LRRC31: variants seen among roughly 807,000 people sequenced by gnomAD.
The protein encoded by LRRC31 is leucine rich repeat containing 31.
LRRC31 carries 35 observed loss-of-function variants against 46.7 expected under a neutral mutation model. The observed-to-expected ratio is 0.75, with a 90% CI of 0.57 to 0.99. The LOEUF is 0.99. LRRC31 is among the 50% of genes least tolerant of loss of function. The pLI, the probability that LRRC31 is intolerant of heterozygous loss-of-function variation, is 0.00. For synonymous variants in LRRC31, 236 were observed against 235.1 expected (o/e 1.00, Z -0.03); for missense variants, 613 against 626.1 (o/e 0.98, Z 0.22).
intron 6 of LRRC31, 63 bp downstream of exon 6, chr3:169,854,750 C>A: frequency 7.4e-7 from 1 of 1,347,166 alleles, no homozygotes. Context: ...TTAAAATTTC[C>A]AAGTTTCCAA....
chr3:169,856,025 C>T (rs956525460), intron 5 of LRRC31, among the ~76,000 whole-genome samples: 10 of 151,674 alleles, frequency 6.6e-5, no homozygotes, highest in African/African-American at 2.4e-4. Flanking sequence ...GGATTACAGG[C>T]GCACGTACCA....
chr3:169,852,395 T>C (rs1195203484), intron 6 of LRRC31, among the ~76,000 whole-genome samples: 1 of 103,624 alleles, frequency 9.7e-6, no homozygotes, highest in South Asian at 3.8e-4. Context: ...AGAGTGAGAC[T>C]CCGTCTCAAA....
chr3:169,864,000 T>TTG (rs1274569078), intron 1 of LRRC31, among the ~76,000 whole-genome samples: 2 of 127,184 alleles, frequency 1.6e-5, no homozygotes, highest in African/African-American at 3.1e-5. Flanking sequence ...TTCCAAAGCC[T>TTG]AGTGTGTGTG....
intron 8 of LRRC31, among the ~76,000 whole-genome samples, chr3:169,845,482 A>AGC (rs1157323503): frequency 6.6e-6 from 1 of 152,248 alleles, no homozygotes; most frequent in Admixed American, 6.5e-5. Flanking sequence ...CAATCAAGAC[A>AGC]GCGTGATATT....
chr3:169,845,584 T>C (rs761413188), intron 8 of LRRC31, among the ~76,000 whole-genome samples: 3 of 152,168 alleles, frequency 2.0e-5, no homozygotes, highest in Non-Finnish European at 4.4e-5. Flanking sequence ...TTCACAAAAA[T>C]ATAAAGGCAA....
At chr3:169,847,598 T>A (rs941924333) in intron 8 of LRRC31, among the ~76,000 whole-genome samples, 10 of 152,262 alleles carry the variant, frequency 6.6e-5, no homozygotes, top group African/African-American at 2.4e-4. Flanking sequence ...AGGGTCAGAT[T>A]GTTACTACAG....
intron 3 of LRRC31, among the ~76,000 whole-genome samples, chr3:169,858,882 T>C (rs1403158821): frequency 1.3e-5 from 2 of 151,930 alleles, no homozygotes; most frequent in Non-Finnish European, 2.9e-5. Flanking sequence ...GGTACATGCC[T>C]GTAATCCCAG....
chr3:169,853,702 T>G, intron 6 of LRRC31: 3 of 984,890 alleles, frequency 3.0e-6, no homozygotes, highest in Non-Finnish European at 3.6e-6. Flanking sequence ...TCTTGAATTC[T>G]TCCCATTTTC....
intron 7 of LRRC31, among the ~76,000 whole-genome samples, chr3:169,849,024 A>G (rs1366476767): frequency 2.6e-5 from 4 of 152,240 alleles, no homozygotes; most frequent in African/African-American, 9.6e-5. Flanking sequence ...ACTTCACGCA[A>G]TTACTGCAGG....
chr3:169,855,947 A>G (rs1780925237), intron 5 of LRRC31, among the ~76,000 whole-genome samples: 2 of 151,966 alleles, frequency 1.3e-5, no homozygotes, highest in Non-Finnish European at 2.9e-5. Context: ...TGTCACCCAC[A>G]TCGGCTCGCT....
In LRRC31 at chr3:169,851,698, G is replaced by A; in HGVS notation, c.1080C>T (p.Ser360=). 2 of 1,614,178 alleles carry A rather than the reference G, an allele frequency of 1.2e-6. No homozygotes were observed. The highest frequency in any genetic ancestry group is 1.7e-6 in the Non-Finnish European group (2 of 1,180,016). Residue 360 remains serine, a synonymous_variant, in exon 7 of 9, where the codon AGC becomes AGT. Coordinates refer to ENST00000316428, the MANE Select transcript of LRRC31 (RefSeq NM_024727.4). ...TCAATGCTGGTAAAAATCGGAGCCTGCTGAGTAAGTTTTCAGAAGAACTGC... is the reference window on the plus strand; with the variant it reads ...TCAATGCTGGTAAAAATCGGAGCCTACTGAGTAAGTTTTCAGAAGAACTGC... ...KMGSSSENLL[S]RLRFLPALKS...
At chr3:169,858,942 G>A (rs1201066781) in intron 3 of LRRC31, among the ~76,000 whole-genome samples, 1 of 130,892 alleles carries the variant, frequency 7.6e-6, no homozygotes, top group African/African-American at 2.9e-5. Flanking sequence ...GGAGGCGGAG[G>A]TTTCAGTGAG....
intron 8 of LRRC31, among the ~76,000 whole-genome samples, chr3:169,843,056 G>A (rs966357977): frequency 2.6e-5 from 4 of 152,174 alleles, no homozygotes; most frequent in African/African-American, 9.7e-5. Context: ...TAGGCTATAT[G>A]GCACACCTGA....
At chr3:169,842,331 A>C (rs1780476342) in intron 8 of LRRC31, among the ~76,000 whole-genome samples, 1 of 152,126 alleles carries the variant, frequency 6.6e-6, no homozygotes, top group African/African-American at 2.4e-5. Flanking sequence ...ACATATAGTA[A>C]TACTTGTTTT....
chr3:169,857,562 CT>C (rs1781006196), intron 3 of LRRC31, among the ~76,000 whole-genome samples: 1 of 151,340 alleles, frequency 6.6e-6, no homozygotes. Context: ...GGGATGAAAA[CT>C]AACATTTCTG....
At chr3:169,853,812 G>T (rs973394477) in intron 6 of LRRC31, 2 of 650,646 alleles carry the variant, frequency 3.1e-6, no homozygotes, top group Non-Finnish European at 3.8e-6. Flanking sequence ...TCCCCAAATT[G>T]TACTATAAAC....
intron 7 of LRRC31, among the ~76,000 whole-genome samples, chr3:169,850,636 C>T (rs984282676): frequency 2.0e-5 from 3 of 152,216 alleles, no homozygotes; most frequent in African/African-American, 4.8e-5. Context: ...ACCTCATGTA[C>T]TTAACATCTC....
intron 1 of LRRC31, among the ~76,000 whole-genome samples, chr3:169,863,136 G>A (rs1416998894): frequency 6.6e-6 from 1 of 151,360 alleles, no homozygotes; most frequent in Non-Finnish European, 1.5e-5. Context: ...CACCTACCCG[G>A]CCTCCCAAAG....
rs959952270 is a variant in LRRC31 at position 169,868,474 on chromosome 3, C to T, written c.175+1159G>A. On this transcript the variant is annotated intron_variant, in intron 1 of 8. Coordinates refer to ENST00000316428, the MANE Select transcript of LRRC31 (RefSeq NM_024727.4). ...GCCTGCATTATTTTTCTTCATATCA[C>T]TTATCACCACCTGAAGTTATATCTG... 2.6e-5 allele frequency among the ~76,000 whole-genome samples: 4 copies of T among 152,200 alleles called. No homozygotes were observed. The East Asian group carries it at 5.8e-4, about 22-fold the overall frequency.
Sources: allele counts gnomAD v4.1 joint callset (sites outside exome capture counted in the v4.1 genomes callset), GRCh38; gene constraint gnomAD v4.1.1; transcripts MANE v1.5; gene names NCBI Gene and HGNC (gene_info 2026-07-23, HGNC 2026-07-21).